Variants in TEX11 observed in about 807,000 individuals in gnomAD.
TEX11 encodes testis-expressed protein 11.
A neutral mutation model predicts 84.4 loss-of-function variants in TEX11; 7 were observed. That is an observed-to-expected ratio of 0.08 (90% CI 0.05 to 0.16). TEX11 has a LOEUF of 0.16. Ranked by LOEUF, TEX11 falls within the 10% of genes least tolerant of loss-of-function variation. TEX11 has a pLI of 1.00. For missense variants in TEX11, 551 were observed against 660.5 expected (o/e 0.83, Z 1.82); for synonymous variants, 264 against 222.8 (o/e 1.18, Z -1.64).
intron 4 of TEX11, among the ~76,000 whole-genome samples, chrX:70,865,716 A>C (rs1328464673): frequency 8.9e-6 from 1 of 112,415 alleles, no homozygotes; most frequent in Non-Finnish European, 1.9e-5. Flanking sequence ...CAATCAAATT[A>C]GAACTCAGGA....
At chrX:70,693,329 G>A (rs990706924) in intron 13 of TEX11, among the ~76,000 whole-genome samples, 2 of 111,779 alleles carry the variant, frequency 1.8e-5, no homozygotes, top group Non-Finnish European at 3.8e-5. Context: ...GGTGTGAGGT[G>A]ATATCTCATG....
At chrX:70,729,598 A>G (rs1051860542) in intron 11 of TEX11, among the ~76,000 whole-genome samples, 23 of 111,027 alleles carry the variant, frequency 2.1e-4, no homozygotes, top group Non-Finnish European at 4.0e-4. Flanking sequence ...GCGAGAAGAG[A>G]AGTTTAGAGA....
chrX:70,521,863 A>T, the TEX11 span, among the ~76,000 whole-genome samples: 5 of 104,772 alleles, frequency 4.8e-5, no homozygotes, highest in African/African-American at 1.4e-4. Flanking sequence ...ATGACTTAAA[A>T]TTTTTTTTTT....
chrX:70,642,311 T>G (rs1436524063), intron 17 of TEX11, among the ~76,000 whole-genome samples: 2 of 111,455 alleles, frequency 1.8e-5, no homozygotes, highest in Admixed American at 9.6e-5. Flanking sequence ...CAGGACCAGA[T>G]GGATTCACAG....
intron 4 of TEX11, among the ~76,000 whole-genome samples, chrX:70,872,562 T>A (rs747770108): frequency 1.8e-5 from 2 of 112,540 alleles, no homozygotes; most frequent in Admixed American, 1.9e-4. Context: ...TCACTATGCC[T>A]GTTGAAAATC....
At chrX:70,585,180 G>T (rs1192430779) in intron 25 of TEX11, among the ~76,000 whole-genome samples, 1 of 112,261 alleles carries the variant, frequency 8.9e-6, no homozygotes, top group Non-Finnish European at 1.9e-5. Flanking sequence ...CGGCAAAGTT[G>T]CAGGTACAAG....
At chrX:70,866,532 C>T (rs1226973167) in intron 4 of TEX11, among the ~76,000 whole-genome samples, 2 of 111,651 alleles carry the variant, frequency 1.8e-5, no homozygotes, top group Non-Finnish European at 3.8e-5. Flanking sequence ...GGGACTCCTC[C>T]CTAACTGATT....
intron 20 of TEX11, among the ~76,000 whole-genome samples, chrX:70,619,857 A>G (rs2089363168): frequency 9.4e-6 from 1 of 106,041 alleles, no homozygotes; most frequent in South Asian, 4.4e-4. Flanking sequence ...TCTGTTGCCC[A>G]GAGTGCAGTG....
chrX:70,872,015 A>T lies in TEX11; in HGVS notation c.244+1208T>A, dbSNP rs766343132. Among the ~76,000 whole-genome samples the T allele has an allele frequency of 3.6e-5, 4 of 109,747 alleles. No homozygotes were observed. In the Admixed American group the frequency reaches 3.9e-4, roughly 11 times the overall value. ...AAAAAAAAAAAAGAAAAAGAAAAAA[A>T]GAAATGAGACAGTACATGGGAAGAG... On this transcript the variant is annotated intron_variant, in intron 4 of 29. Transcript: ENST00000374333.
intron 9 of TEX11, among the ~76,000 whole-genome samples, chrX:70,780,758 G>A (rs1180160093): frequency 3.6e-5 from 4 of 112,660 alleles, no homozygotes; most frequent in African/African-American, 9.7e-5. Flanking sequence ...TGGGGGAGGG[G>A]CATCTGCCAT....
chrX:70,581,517 C>T (rs1342774459), intron 25 of TEX11, among the ~76,000 whole-genome samples: 1 of 110,190 alleles, frequency 9.1e-6, no homozygotes, highest in Non-Finnish European at 1.9e-5. Flanking sequence ...TCAGGCTAGT[C>T]TTGATCCCCT....
chrX:70,716,306 G>C (rs868689417), intron 13 of TEX11, among the ~76,000 whole-genome samples: 2,275 of 85,070 alleles, frequency 0.027, 10 homozygotes, highest in Middle Eastern at 0.037. Flanking sequence ...AACCACTACT[G>C]TCTTCAAAGC....
chrX:70,638,081 A>C (rs1045662695), intron 17 of TEX11, among the ~76,000 whole-genome samples: 1 of 111,698 alleles, frequency 9.0e-6, no homozygotes, highest in Non-Finnish European at 1.9e-5. Context: ...CATTTCAATC[A>C]ATAGCAACAG....
chrX:70,657,509 A>G (rs1239686545), intron 16 of TEX11, among the ~76,000 whole-genome samples: 3 of 110,982 alleles, frequency 2.7e-5, no homozygotes, highest in Non-Finnish European at 5.7e-5. Context: ...CCCACAGAAA[A>G]TGAAAGCATG....
intron 2 of TEX11, among the ~76,000 whole-genome samples, chrX:70,894,060 C>T (rs1358385795): frequency 1.8e-5 from 2 of 111,294 alleles, no homozygotes; most frequent in African/African-American, 6.5e-5. Context: ...ATAACAAGTT[C>T]TGAAATTGAG....
chrX:70,846,354 T>C (rs188976367), intron 7 of TEX11: 4 of 112,311 alleles, frequency 3.6e-5, no homozygotes, highest in Non-Finnish European at 5.6e-5. Context: ...AGATGACTAG[T>C]CTGTATGCTA....
intron 3 of TEX11, among the ~76,000 whole-genome samples, chrX:70,875,967 T>C (rs755975612): frequency 2.7e-5 from 3 of 111,599 alleles, no homozygotes; most frequent in African/African-American, 9.7e-5. Flanking sequence ...CTAAAACATT[T>C]AGGGGGGAAG....
At chrX:70,713,274 A>C (rs1603232360) in intron 13 of TEX11, among the ~76,000 whole-genome samples, 1 of 111,730 alleles carries the variant, frequency 9.0e-6, no homozygotes, top group Non-Finnish European at 1.9e-5. Flanking sequence ...TGCCTCTACC[A>C]GGCTTTGGTA....
Position 70,846,781 on chromosome X carries a change from G to A in TEX11, c.525+6253C>T, listed in dbSNP as rs34775166. Among the ~76,000 whole-genome samples, 881 of 111,228 alleles carry A rather than the reference G, an allele frequency of 7.9e-3. 9 individuals are homozygous for A. The highest frequency in any genetic ancestry group is 0.012 in the Non-Finnish European group (618 of 53,006). Reference sequence around the variant, plus strand: ...TCTACTAAAAATACAAAAATTAGCCGGGCGTGGTGGCATGTGACTGTAATC... The same window carrying A: ...TCTACTAAAAATACAAAAATTAGCCAGGCGTGGTGGCATGTGACTGTAATC... On this transcript the variant is annotated intron_variant, in intron 7 of 29. Transcript: ENST00000374333.
Sources: allele counts gnomAD v4.1 joint callset (sites outside exome capture counted in the v4.1 genomes callset), GRCh38; gene constraint gnomAD v4.1.1; transcripts MANE v1.5; gene names NCBI Gene and HGNC (gene_info 2026-07-23, HGNC 2026-07-21).